SAMD12: variants seen among roughly 807,000 people sequenced by gnomAD.
The protein encoded by SAMD12 is sterile alpha motif domain containing 12.
In SAMD12, 9 loss-of-function variants were observed where a neutral mutation model predicts 15.0. The observed-to-expected ratio is 0.60, with a 90% CI of 0.36 to 1.05. SAMD12 has a LOEUF of 1.05. Among genes scored for constraint, SAMD12 ranks in the 50% least tolerant of loss-of-function variants. The pLI is 0.01. For missense variants in SAMD12, 230 were observed against 234.2 expected (o/e 0.98, Z 0.12); for synonymous variants, 86 against 90.1 (o/e 0.96, Z 0.25).
chr8:118,481,597 TC>T lies in SAMD12; in HGVS notation c.193-41637del, dbSNP rs370086724. 2.1e-4 allele frequency among the ~76,000 whole-genome samples: 32 copies of T among 152,252 alleles called. No homozygotes were observed. The East Asian group carries it at 3.9e-3, about 18-fold the overall frequency. ...AGAGGAGGGCCATTTTGATCTATTT[TC>T]ACCAATGATTTGAAATCAAAGACTT... On this transcript the variant is annotated intron_variant, in intron 2 of 3. Coordinates refer to ENST00000314727, the MANE Select transcript of SAMD12 (RefSeq NM_207506.3).
At chr8:118,476,553 T>G (rs1823965756) in intron 2 of SAMD12, among the ~76,000 whole-genome samples, 1 of 152,130 alleles carries the variant, frequency 6.6e-6, no homozygotes, top group Non-Finnish European at 1.5e-5. Flanking sequence ...AGCTCCCAGA[T>G]TCCAGTTTCA....
chr8:118,611,470 C>T (rs1173602159), intron 1 of SAMD12, among the ~76,000 whole-genome samples: 1 of 152,214 alleles, frequency 6.6e-6, no homozygotes, highest in African/African-American at 2.4e-5. Context: ...TGGATGCCGT[C>T]TCCAACTCCA....
At chr8:118,138,435 T>C in the SAMD12 span, among the ~76,000 whole-genome samples, 1 of 152,142 alleles carries the variant, frequency 6.6e-6, no homozygotes, top group African/African-American at 2.4e-5. Flanking sequence ...TTGGGATTAG[T>C]GCCCTTATAA....
At chr8:118,426,589 A>T (rs13260753) in intron 3 of SAMD12, among the ~76,000 whole-genome samples, 1 of 151,576 alleles carries the variant, frequency 6.6e-6, no homozygotes, top group Non-Finnish European at 1.5e-5. Context: ...CCTTCTAGTT[A>T]TGATTTATGA....
chr8:118,546,459 G>A (rs929775404), intron 2 of SAMD12, among the ~76,000 whole-genome samples: 3 of 151,996 alleles, frequency 2.0e-5, no homozygotes, highest in East Asian at 3.9e-4. Context: ...CGGGAGGGGA[G>A]GCAAACTTGA....
chr8:118,562,070 G>A (rs1344222225), intron 2 of SAMD12, among the ~76,000 whole-genome samples: 4 of 152,154 alleles, frequency 2.6e-5, no homozygotes, highest in African/African-American at 7.2e-5. Flanking sequence ...AGAGAATGAC[G>A]AGATGGATGA....
intron 3 of SAMD12, among the ~76,000 whole-genome samples, chr8:118,404,522 G>A (rs1821032376): frequency 6.6e-6 from 1 of 152,176 alleles, no homozygotes; most frequent in Admixed American, 6.5e-5. Context: ...TTGTTTGCCT[G>A]AAAATGCAGT....
At chr8:118,442,253 C>T (rs986940926) in intron 2 of SAMD12, among the ~76,000 whole-genome samples, 3 of 152,082 alleles carry the variant, frequency 2.0e-5, no homozygotes, top group Non-Finnish European at 4.4e-5. Context: ...TCAGTAGATC[C>T]CGTGTACATC....
intron 2 of SAMD12, among the ~76,000 whole-genome samples, chr8:118,524,424 G>A (rs1241506633): frequency 2.0e-5 from 3 of 152,016 alleles, no homozygotes; most frequent in Non-Finnish European, 4.4e-5. Context: ...ACTCCTTACT[G>A]TTTCTTTCTC....
At chr8:118,137,991 A>T in the SAMD12 span, among the ~76,000 whole-genome samples, 2 of 151,924 alleles carry the variant, frequency 1.3e-5, no homozygotes, top group African/African-American at 4.8e-5. Context: ...CATGGGACTA[A>T]AATTAGAGAG....
At chr8:118,156,425 T>G in the SAMD12 span, among the ~76,000 whole-genome samples, 892 of 152,276 alleles carry the variant, frequency 5.9e-3, 4 homozygotes, top group Middle Eastern at 0.017. Flanking sequence ...GGAGTTGAGA[T>G]TTTCTTTTGT....
intron 4 of SAMD12, among the ~76,000 whole-genome samples, chr8:118,242,599 G>C (rs1812598354): frequency 6.6e-6 from 1 of 151,846 alleles, no homozygotes; most frequent in South Asian, 2.1e-4. Context: ...ACAAACATAG[G>C]GTTTGATATT....
intron 2 of SAMD12, among the ~76,000 whole-genome samples, chr8:118,572,155 T>C (rs1031193977): frequency 5.9e-5 from 9 of 152,256 alleles, no homozygotes; most frequent in African/African-American, 2.2e-4. Context: ...GATTTGACTG[T>C]CCTGCTGGAT....
chr8:118,158,711 T>A, the SAMD12 span, among the ~76,000 whole-genome samples: 1 of 152,156 alleles, frequency 6.6e-6, no homozygotes, highest in Non-Finnish European at 1.5e-5. Flanking sequence ...TGCCCATGGC[T>A]GCCCATGGAC....
intron 2 of SAMD12, among the ~76,000 whole-genome samples, chr8:118,474,430 G>A (rs764264376): frequency 3.3e-5 from 5 of 152,048 alleles, no homozygotes; most frequent in Non-Finnish European, 7.3e-5. Context: ...GCCTAGGCTG[G>A]AGTGCAATGG....
At chr8:118,132,539 G>A in the SAMD12 span, among the ~76,000 whole-genome samples, 2 of 152,118 alleles carry the variant, frequency 1.3e-5, no homozygotes, top group African/African-American at 4.8e-5. Flanking sequence ...AGTAGCTCAG[G>A]CAGAACCTGA....
the SAMD12 span, among the ~76,000 whole-genome samples, chr8:118,151,912 C>G: frequency 4.6e-5 from 7 of 151,626 alleles, no homozygotes; most frequent in Non-Finnish European, 2.9e-5. Flanking sequence ...TGGGGGAGTG[C>G]TGGGATATCC....
At chr8:118,165,154 G>A in the SAMD12 span, among the ~76,000 whole-genome samples, 1 of 152,128 alleles carries the variant, frequency 6.6e-6, no homozygotes, top group Admixed American at 6.6e-5. Flanking sequence ...TTAACTGCAA[G>A]TCTCAGGTTG....
intron 4 of SAMD12, among the ~76,000 whole-genome samples, chr8:118,279,228 G>A (rs1029555643): frequency 4.6e-5 from 7 of 152,092 alleles, no homozygotes; most frequent in Non-Finnish European, 7.4e-5. Context: ...CCCTTTGCTA[G>A]AATAGAAAGC....
Sources: gnomAD v4.1 joint callset for allele counts (sites outside exome capture counted in the v4.1 genomes callset) on GRCh38, gnomAD v4.1.1 for gene constraint, MANE v1.5 for transcripts, NCBI Gene and HGNC (gene_info 2026-07-23, HGNC 2026-07-21) for gene names.